Variants in LRRC4C observed in about 807,000 individuals in gnomAD.
LRRC4C encodes leucine rich repeat containing 4C.
In LRRC4C, 5 loss-of-function variants were observed where a neutral mutation model predicts 33.6. The ratio of observed to expected loss-of-function variants is 0.15; its 90% CI spans 0.08 to 0.31. The LOEUF (loss-of-function observed/expected upper bound fraction) is 0.31, where lower values mean the gene tolerates loss of function less well. Among genes scored for constraint, LRRC4C ranks in the 10% least tolerant of loss-of-function variants. The pLI is 1.00. For synonymous variants in LRRC4C, 329 were observed against 302.0 expected (o/e 1.09, Z -0.93); for missense variants, 560 against 796.7 (o/e 0.70, Z 3.58).
chr11:41,237,065 A>G (rs1284533381), intron 1 of LRRC4C, among the ~76,000 whole-genome samples: 1 of 152,246 alleles, frequency 6.6e-6, no homozygotes, highest in African/African-American at 2.4e-5. Context: ...CCACCTATGT[A>G]TATGCCAGAT....
chr11:40,629,524 A>G (rs1963271042), intron 3 of LRRC4C, among the ~76,000 whole-genome samples: 1 of 152,204 alleles, frequency 6.6e-6, no homozygotes, highest in Non-Finnish European at 1.5e-5. Flanking sequence ...ATGAATAAAC[A>G]GAATGCTAAT....
chr11:40,387,355 C>A (rs925023447), intron 3 of LRRC4C, among the ~76,000 whole-genome samples: 5 of 152,000 alleles, frequency 3.3e-5, no homozygotes, highest in African/African-American at 1.2e-4. Context: ...ATTCAGATAC[C>A]CACAGATGTT....
At chr11:41,080,962 A>G (rs1413819043) in intron 1 of LRRC4C, among the ~76,000 whole-genome samples, 1 of 152,150 alleles carries the variant, frequency 6.6e-6, no homozygotes, top group Admixed American at 6.5e-5. Flanking sequence ...TACAATGTCT[A>G]TGTGTGTAAA....
Position 40,228,445 on chromosome 11 carries a change from TA to T in LRRC4C, c.-96+13073del, listed in dbSNP as rs533419698. 5.5e-3 allele frequency among the ~76,000 whole-genome samples: 789 copies of T among 142,232 alleles called. 2 individuals carry two copies. The highest frequency in any genetic ancestry group is 9.9e-3 in the African/African-American group (389 of 39,256). 93.3% of individuals were successfully genotyped at this position (142,232 alleles called of 152,430 possible). On this transcript the variant is annotated intron_variant, in intron 5 of 6. Coordinates refer to ENST00000528697, the MANE Select transcript of LRRC4C (RefSeq NM_001258419.2). ...TTTTTATGAGAATCTTACTTCAAAGTAAAAAAAAAAAAATCTCTCCTAAGGG... is the reference window on the plus strand; with the variant it reads ...TTTTTATGAGAATCTTACTTCAAAGTAAAAAAAAAAAATCTCTCCTAAGGG...
At chr11:40,200,399 G>C (rs191884961) in intron 5 of LRRC4C, among the ~76,000 whole-genome samples, 1 of 151,154 alleles carries the variant, frequency 6.6e-6, no homozygotes, top group East Asian at 2.0e-4. Flanking sequence ...GCTTTTATGG[G>C]TACTTAGAAC....
At chr11:41,286,076 A>G (rs913355294) in intron 1 of LRRC4C, among the ~76,000 whole-genome samples, 18 of 152,040 alleles carry the variant, frequency 1.2e-4, no homozygotes, top group South Asian at 6.2e-4. Context: ...TGATTCACCC[A>G]CCTAGGCCTC....
chr11:41,025,426 T>C (rs540217955), intron 1 of LRRC4C, among the ~76,000 whole-genome samples: 99 of 151,636 alleles, frequency 6.5e-4, no homozygotes, highest in African/African-American at 2.3e-3. Context: ...TAGTGCTCTG[T>C]ATAAAAGATC....
intron 1 of LRRC4C, among the ~76,000 whole-genome samples, chr11:41,417,975 C>T (rs191917330): frequency 3.2e-4 from 47 of 146,958 alleles, no homozygotes; most frequent in East Asian, 4.0e-4. Context: ...CAAATATATA[C>T]GTGTATATAT....
At chr11:40,896,904 T>C (rs1386660155) in intron 2 of LRRC4C, among the ~76,000 whole-genome samples, 1 of 152,158 alleles carries the variant, frequency 6.6e-6, no homozygotes, top group Non-Finnish European at 1.5e-5. Flanking sequence ...TAGATACATC[T>C]AATTCCAAAG....
At chr11:41,180,591 C>T (rs1044381814) in intron 1 of LRRC4C, among the ~76,000 whole-genome samples, 3 of 152,272 alleles carry the variant, frequency 2.0e-5, no homozygotes, top group African/African-American at 7.2e-5. Context: ...GGGTGTGTGT[C>T]TGTGCGCACA....
chr11:41,294,376 G>A (rs1053206248), intron 1 of LRRC4C, among the ~76,000 whole-genome samples: 1 of 152,148 alleles, frequency 6.6e-6, no homozygotes, highest in Non-Finnish European at 1.5e-5. Flanking sequence ...AGTCAGCTGT[G>A]ATTTTTGGAT....
At chr11:40,257,588 A>G (rs1376005340) in intron 4 of LRRC4C, among the ~76,000 whole-genome samples, 3 of 152,246 alleles carry the variant, frequency 2.0e-5, no homozygotes, top group African/African-American at 7.2e-5. Context: ...TGGCTGCCTC[A>G]CTTTCTTTCC....
intron 2 of LRRC4C, among the ~76,000 whole-genome samples, chr11:40,921,967 CT>C (rs1186661921): frequency 5.3e-5 from 8 of 152,178 alleles, no homozygotes; most frequent in Non-Finnish European, 8.8e-5. Flanking sequence ...TTTAAATTCC[CT>C]CTTCCTGCCT....
In LRRC4C at chr11:40,727,813, C is replaced by T. The variant is rs181888147; in HGVS notation, c.-406-79535G>A. Among the ~76,000 whole-genome samples the T allele has an allele frequency of 5.7e-4, 86 of 152,166 alleles. No homozygotes were observed. In the Middle Eastern group the frequency reaches 0.01, roughly 18 times the overall value. On this transcript the variant is annotated intron_variant, in intron 2 of 6. Transcript: ENST00000528697. ...CCTGTAATCCCAGCATTTTAGGAGG[C>T]TCAGGTGGGCGGATCACCTGAGTTC...
chr11:40,116,069 G>A lies in LRRC4C; in HGVS notation c.224C>T (p.Ser75Phe), dbSNP rs1430541230. 2 of 1,614,040 alleles carry A rather than the reference G, an allele frequency of 1.2e-6. No homozygotes were observed. The highest frequency in any genetic ancestry group is 2.2e-5 in the South Asian group (2 of 91,074). ...GAGGTTCAGCAGCCGTGTGTTGGTG[G>A]AGATGCCATCCGGAACCTCACGCAG... ...KNLREVPDGISTNTRLLNLHE... is the reference protein window; with the variant it reads ...KNLREVPDGIFTNTRLLNLHE... The change falls in exon 7 of 7, where the codon TCC becomes TTC. Residue 75 changes from serine (S) to phenylalanine (F), a missense_variant. By Grantham distance (155) the Ser-to-Phe change is radical. Coordinates refer to ENST00000528697, the MANE Select transcript of LRRC4C (RefSeq NM_001258419.2).
At chr11:41,236,140 C>G (rs971416205) in intron 1 of LRRC4C, among the ~76,000 whole-genome samples, 2 of 152,052 alleles carry the variant, frequency 1.3e-5, no homozygotes, top group Admixed American at 6.6e-5. Context: ...ATTCTACTAC[C>G]TTCTTCCTGA....
At chr11:40,682,827 A>G (rs1565631577) in intron 2 of LRRC4C, among the ~76,000 whole-genome samples, 1 of 152,100 alleles carries the variant, frequency 6.6e-6, no homozygotes, top group African/African-American at 2.4e-5. Flanking sequence ...AATTACAGAT[A>G]AAGTCACAGA....
At chr11:40,252,364 C>A (rs562709861) in intron 4 of LRRC4C, among the ~76,000 whole-genome samples, 1 of 151,674 alleles carries the variant, frequency 6.6e-6, no homozygotes, top group Non-Finnish European at 1.5e-5. Flanking sequence ...ACACATACAC[C>A]CCCCTAACAT....
In LRRC4C at chr11:40,511,576, T is replaced by G. The variant is rs75006237; in HGVS notation, c.-270+136566A>C. 8.3e-3 allele frequency among the ~76,000 whole-genome samples: 1,271 copies of G among 152,270 alleles called. 9 individuals carry two copies. The highest frequency in any genetic ancestry group is 0.028 in the African/African-American group (1,179 of 41,546). ...GTAGTGAAGACTGAAAGCAGCACAG[T>G]GCCTGGCTTGATATCTCATATGTTT... On this transcript the variant is annotated intron_variant, in intron 3 of 6. Transcript: ENST00000528697.
Sources: gnomAD v4.1 joint callset for allele counts (sites outside exome capture counted in the v4.1 genomes callset) on GRCh38, gnomAD v4.1.1 for gene constraint, MANE v1.5 for transcripts, NCBI Gene and HGNC (gene_info 2026-07-23, HGNC 2026-07-21) for gene names.